Variants in SUGCT observed in about 807,000 individuals in gnomAD.
The protein encoded by SUGCT is succinyl-CoA:glutarate CoA-transferase.
In SUGCT, 41 loss-of-function variants were observed where a neutral mutation model predicts 55.0. The ratio of observed to expected loss-of-function variants is 0.74; its 90% CI spans 0.58 to 0.97. SUGCT has a LOEUF of 0.97. Ranked by LOEUF, SUGCT falls within the 50% of genes least tolerant of loss-of-function variation. The pLI is 0.00. For synonymous variants in SUGCT, 187 were observed against 200.4 expected (o/e 0.93, Z 0.56); for missense variants, 568 against 547.8 (o/e 1.04, Z -0.37).
intron 8 of SUGCT, among the ~76,000 whole-genome samples, chr7:40,281,970 A>G (rs562297758): frequency 3.3e-5 from 5 of 152,096 alleles, no homozygotes; most frequent in Non-Finnish European, 7.4e-5. Flanking sequence ...ATAGGCACAA[A>G]CCACCACACC....
chr7:40,330,116 C>A (rs948817893), intron 9 of SUGCT, among the ~76,000 whole-genome samples: 1 of 152,172 alleles, frequency 6.6e-6, no homozygotes, highest in African/African-American at 2.4e-5. Context: ...CAGATTTGAT[C>A]TCCGTAGACA....
At chr7:40,259,932 C>A (rs1251917047) in intron 7 of SUGCT, among the ~76,000 whole-genome samples, 1 of 152,206 alleles carries the variant, frequency 6.6e-6, no homozygotes, top group Non-Finnish European at 1.5e-5. Flanking sequence ...GATCTCTTCA[C>A]TATGTCAGTT....
the SUGCT span, among the ~76,000 whole-genome samples, chr7:40,938,209 G>A: frequency 6.6e-6 from 1 of 152,022 alleles, no homozygotes. Context: ...CTGTTTGATT[G>A]GCATGATTAC....
intron 13 of SUGCT, among the ~76,000 whole-genome samples, chr7:40,792,825 C>T (rs577521361): frequency 6.6e-6 from 1 of 152,160 alleles, no homozygotes; most frequent in Non-Finnish European, 1.5e-5. Context: ...CTTTGGAGCA[C>T]AAGGTTAGAT....
chr7:40,332,242 C>T lies in SUGCT; in HGVS notation c.816+15387C>T, dbSNP rs538373704. On this transcript the variant is annotated intron_variant, in intron 9 of 13. Transcript: ENST00000335693. ...GAAAACATCCTAGTAAGAATCTTTG[C>T]ACTTCCATCATAAACAGCCCCATGG... Among the ~76,000 whole-genome samples, 5 of 152,230 alleles carry T rather than the reference C, an allele frequency of 3.3e-5. No individual in the cohort carries two copies. In the South Asian group the frequency reaches 6.2e-4, roughly 19 times the overall value.
intron 9 of SUGCT, among the ~76,000 whole-genome samples, chr7:40,360,358 TG>T (rs1331334015): frequency 2.6e-5 from 4 of 152,182 alleles, no homozygotes; most frequent in African/African-American, 9.6e-5. Context: ...ATTCTACCTT[TG>T]TTTGAAGAGG....
chr7:40,853,458 G>A (rs865928206), intron 13 of SUGCT, among the ~76,000 whole-genome samples: 9 of 151,926 alleles, frequency 5.9e-5, no homozygotes, highest in African/African-American at 1.7e-4. Flanking sequence ...TCCGCCTCCC[G>A]GGCTCAAGAA....
At chr7:40,171,669 C>T (rs1446375084) in intron 1 of SUGCT, among the ~76,000 whole-genome samples, 1 of 152,204 alleles carries the variant, frequency 6.6e-6, no homozygotes, top group Admixed American at 6.5e-5. Flanking sequence ...GAGGTTTCCT[C>T]TAAACGTTAC....
At chr7:40,672,419 G>C (rs1801985472) in intron 12 of SUGCT, among the ~76,000 whole-genome samples, 1 of 152,188 alleles carries the variant, frequency 6.6e-6, no homozygotes, top group Non-Finnish European at 1.5e-5. Flanking sequence ...TGACTTGTAT[G>C]GATCACCAGG....
At chr7:40,765,771 C>G (rs1434644015) in intron 13 of SUGCT, among the ~76,000 whole-genome samples, 1 of 152,108 alleles carries the variant, frequency 6.6e-6, no homozygotes, top group Non-Finnish European at 1.5e-5. Flanking sequence ...AGAGGAGATA[C>G]TCATATTTGA....
At chr7:40,747,035 C>T (rs1787765283) in intron 12 of SUGCT, among the ~76,000 whole-genome samples, 1 of 152,140 alleles carries the variant, frequency 6.6e-6, no homozygotes. Context: ...CATTTAGCCC[C>T]CACCCCCACA....
intron 7 of SUGCT, among the ~76,000 whole-genome samples, chr7:40,242,292 G>T (rs1419141576): frequency 1.3e-5 from 2 of 151,442 alleles, no homozygotes; most frequent in African/African-American, 4.9e-5. Context: ...TCCTGCCTTA[G>T]CCTCCCCAGT....
intron 8 of SUGCT, among the ~76,000 whole-genome samples, chr7:40,305,615 T>C (rs1390736447): frequency 6.6e-6 from 1 of 152,138 alleles, no homozygotes; most frequent in African/African-American, 2.4e-5. Context: ...ACTCCACATC[T>C]TCAATTATTC....
chr7:40,493,207 A>C (rs972041312), intron 11 of SUGCT, among the ~76,000 whole-genome samples: 1 of 152,226 alleles, frequency 6.6e-6, no homozygotes, highest in African/African-American at 2.4e-5. Context: ...CTAAAAGCTG[A>C]ATGAATTTGA....
intron 13 of SUGCT, among the ~76,000 whole-genome samples, chr7:40,797,250 A>G (rs1554423540): frequency 1.3e-5 from 2 of 152,332 alleles, no homozygotes; most frequent in South Asian, 4.1e-4. Flanking sequence ...AGTTATAGCA[A>G]TAGCTCCAAG....
chr7:40,279,990 T>C lies in SUGCT; in HGVS notation c.720+5334T>C, dbSNP rs557666502. Reference sequence around the variant, plus strand: ...CATTTTCCTACTCATTTTGATTATATTACATAGAATGATGAATGATTATAA... The same window carrying C: ...CATTTTCCTACTCATTTTGATTATACTACATAGAATGATGAATGATTATAA... On this transcript the variant is annotated intron_variant, in intron 8 of 13. Coordinates refer to ENST00000335693, the MANE Select transcript of SUGCT (RefSeq NM_001193313.2). 3.3e-5 allele frequency among the ~76,000 whole-genome samples: 5 copies of C among 152,300 alleles called. No homozygotes were observed. The East Asian group carries it at 9.6e-4, about 29-fold the overall frequency.
At chr7:40,639,944 G>T (rs1275869230) in intron 12 of SUGCT, among the ~76,000 whole-genome samples, 1 of 152,022 alleles carries the variant, frequency 6.6e-6, no homozygotes. Context: ...ATCTTTCTCT[G>T]TCTCTTGCTT....
chr7:40,441,553 G>A (rs1263609049), intron 9 of SUGCT, among the ~76,000 whole-genome samples: 1 of 152,040 alleles, frequency 6.6e-6, no homozygotes, highest in Non-Finnish European at 1.5e-5. Context: ...TAAAAACAAT[G>A]CTATTTAAAA....
intron 12 of SUGCT, among the ~76,000 whole-genome samples, chr7:40,566,329 T>C (rs538971596): frequency 1.3e-5 from 2 of 152,352 alleles, no homozygotes; most frequent in South Asian, 4.1e-4. Context: ...CCGTCGTGAC[T>C]CTGGTATGGC....
Sources: gnomAD v4.1 joint callset for allele counts (sites outside exome capture counted in the v4.1 genomes callset) on GRCh38, gnomAD v4.1.1 for gene constraint, MANE v1.5 for transcripts, NCBI Gene and HGNC (gene_info 2026-07-23, HGNC 2026-07-21) for gene names.